HIPK3: variants seen among roughly 807,000 people sequenced by gnomAD.
The protein encoded by HIPK3 is homeodomain interacting protein kinase 3, also known as homeodomain-interacting protein kinase 3.
HIPK3 carries 47 observed loss-of-function variants against 124.2 expected under a neutral mutation model. The observed-to-expected ratio is 0.38, with a 90% CI of 0.30 to 0.48. The LOEUF (loss-of-function observed/expected upper bound fraction) is 0.48. Among genes scored for constraint, HIPK3 ranks in the 20% least tolerant of loss-of-function variants. The pLI, the probability that HIPK3 is intolerant of heterozygous loss-of-function variation, is 0.98. For synonymous variants in HIPK3, 482 were observed against 515.2 expected (o/e 0.94, Z 0.87); for missense variants, 1,286 against 1,454.3 (o/e 0.88, Z 1.88).
chr11:33,348,874 G>A (rs577055709), intron 13 of HIPK3, 56 bp downstream of exon 13: 6 of 1,481,742 alleles, frequency 4.0e-6, no homozygotes, highest in Non-Finnish European at 3.7e-6. Flanking sequence ...TTGGTGTGCC[G>A]AAAAACAACT....
chr11:33,281,634 A>G (rs570248946), intron 1 of HIPK3, among the ~76,000 whole-genome samples: 8 of 152,352 alleles, frequency 5.3e-5, no homozygotes, highest in African/African-American at 1.7e-4. Flanking sequence ...TTCTTTATAT[A>G]TCTATAGATA....
rs1336147624 is a variant in HIPK3, at chr11:33,286,999, T to C, written c.585T>C (p.Asn195=). 1 of 1,614,122 alleles carries C rather than the reference T, an allele frequency of 6.2e-7. No homozygotes were observed. The highest frequency in any genetic ancestry group is 8.5e-7 in the Non-Finnish European group (1 of 1,180,024). The stretch of plus-strand genomic sequence containing the variant: ...ATGAAGTCTTATGCTCCATGAAAAA[T>C]ACTTACGAAGTCCTTGATTTTCTTG... ...VQHEVLCSMK[N]TYEVLDFLGR... Residue 195 remains asparagine, a synonymous_variant, in exon 2 of 17, where the codon AAT becomes AAC. Transcript: ENST00000303296.
intron 1 of HIPK3, among the ~76,000 whole-genome samples, chr11:33,275,948 C>T (rs1851259073): frequency 6.6e-6 from 1 of 152,194 alleles, no homozygotes; most frequent in African/African-American, 2.4e-5. Context: ...TTTGGCTGTT[C>T]ATCCACAAGT....
chr11:33,295,244 T>C (rs1851807614), intron 2 of HIPK3, among the ~76,000 whole-genome samples: 1 of 151,600 alleles, frequency 6.6e-6, no homozygotes, highest in Admixed American at 6.6e-5. Flanking sequence ...CGATTTGGCA[T>C]CTGCTGCCAC....
chr11:33,272,244 G>A (rs1469756765), intron 1 of HIPK3, among the ~76,000 whole-genome samples: 1 of 151,866 alleles, frequency 6.6e-6, no homozygotes, highest in Non-Finnish European at 1.5e-5. Flanking sequence ...CTAAAAATTC[G>A]AAAGATTAGC....
intron 2 of HIPK3, among the ~76,000 whole-genome samples, chr11:33,295,277 G>GCCCCCCCCC (rs34093915): frequency 9.4e-6 from 1 of 106,634 alleles, no homozygotes; most frequent in African/African-American, 3.8e-5. Flanking sequence ...AGCCACCACC[G>GCCCCCCCCC]CCCCCCCCCC....
intron 1 of HIPK3, among the ~76,000 whole-genome samples, chr11:33,277,083 T>G (rs547248757): frequency 1.3e-4 from 20 of 152,332 alleles, no homozygotes; most frequent in African/African-American, 4.8e-4. Context: ...ACCTTCTTTA[T>G]TTAAAAATTA....
intron 14 of HIPK3, among the ~76,000 whole-genome samples, chr11:33,349,553 A>G (rs142110438): frequency 1.6e-4 from 25 of 152,186 alleles, no homozygotes; most frequent in Non-Finnish European, 1.6e-4. Context: ...GGCTCAAGCA[A>G]TCCTCTTGCC....
chr11:33,330,025 G>T (rs908370232), intron 3 of HIPK3, among the ~76,000 whole-genome samples: 1 of 152,148 alleles, frequency 6.6e-6, no homozygotes, highest in African/African-American at 2.4e-5. Flanking sequence ...GGACCCCAGA[G>T]ATTACCCAGT....
chr11:33,340,917 A>G, intron 6 of HIPK3, 51 bp from the exon 7 acceptor site: 1 of 1,179,070 alleles, frequency 8.5e-7, no homozygotes, highest in Admixed American at 2.8e-5. Flanking sequence ...CCTCAATTTA[A>G]AACTAAGCTT....
intron 1 of HIPK3, among the ~76,000 whole-genome samples, chr11:33,283,945 G>A (rs1171639895): frequency 6.6e-6 from 1 of 152,156 alleles, no homozygotes; most frequent in African/African-American, 2.4e-5. Context: ...AAAGTGCTGG[G>A]AATACAGGCA....
Position 33,355,684 on chromosome 11 carries a change from C to T in HIPK3, c.*2116C>T. 6.6e-6 allele frequency: 1 copy of T among 151,886 alleles called. No individual in the cohort carries two copies. The highest frequency in any genetic ancestry group is 2.1e-4 in the South Asian group (1 of 4,808). 9.4% of individuals were successfully genotyped at this position (151,886 alleles called of 1,614,324 possible). A position where few individuals can be genotyped will look rare whatever the true frequency, so the allele number is the denominator to read the frequency against. Reference sequence around the variant, plus strand: ...AATAATCATCAATGAAATAAATGTGCCTGAAATTGATTTTAAAAATTACAG... The same window carrying T: ...AATAATCATCAATGAAATAAATGTGTCTGAAATTGATTTTAAAAATTACAG... On this transcript the variant is annotated 3_prime_UTR_variant, in exon 17 of 17. Transcript: ENST00000303296.
intron 2 of HIPK3, among the ~76,000 whole-genome samples, chr11:33,328,051 A>G (rs929008615): frequency 7.2e-5 from 11 of 152,168 alleles, no homozygotes; most frequent in Non-Finnish European, 1.5e-4. Context: ...TTATTACTGT[A>G]TTCTGAAGTA....
intron 2 of HIPK3, among the ~76,000 whole-genome samples, chr11:33,310,885 T>C (rs1852316452): frequency 6.6e-6 from 1 of 152,184 alleles, no homozygotes; most frequent in African/African-American, 2.4e-5. Context: ...CTGTTTCAGT[T>C]TGTCTTTGTT....
At chr11:33,321,987 C>A (rs1313934137) in intron 2 of HIPK3, among the ~76,000 whole-genome samples, 1 of 151,884 alleles carries the variant, frequency 6.6e-6, no homozygotes, top group Admixed American at 6.6e-5. Context: ...TCATACATTC[C>A]CAACTTTTTA....
At chr11:33,353,067 A>ATTTTTTTTTTTTTTTTTTTTTT in intron 16 of HIPK3, 25 bp from the exon 17 acceptor site, 2 of 1,041,674 alleles carry the variant, frequency 1.9e-6, no homozygotes, top group African/African-American at 3.3e-5. Context: ...TTATTCAGTC[A>ATTTTTTTTTTTTTTTTTTTTTT]TTTTTTTTTT....
intron 14 of HIPK3, among the ~76,000 whole-genome samples, chr11:33,351,031 G>A (rs188642775): frequency 3.9e-5 from 6 of 152,254 alleles, no homozygotes; most frequent in African/African-American, 1.4e-4. Context: ...GACAATAAAT[G>A]CTGTAGAAAT....
intron 2 of HIPK3, among the ~76,000 whole-genome samples, chr11:33,317,252 G>A (rs989181133): frequency 4.0e-5 from 6 of 148,256 alleles, no homozygotes; most frequent in African/African-American, 5.0e-5. Context: ...GATTACAGGC[G>A]TGAGCCACTG....
chr11:33,264,121 A>G (rs1418766288), intron 1 of HIPK3, among the ~76,000 whole-genome samples: 1 of 152,000 alleles, frequency 6.6e-6, no homozygotes, highest in Non-Finnish European at 1.5e-5. Flanking sequence ...ATTTCTAGGT[A>G]CACTTTTACC....
Sources: gnomAD v4.1 joint callset for allele counts (sites outside exome capture counted in the v4.1 genomes callset) on GRCh38, gnomAD v4.1.1 for gene constraint, MANE v1.5 for transcripts, NCBI Gene and HGNC (gene_info 2026-07-23, HGNC 2026-07-21) for gene names.